Variants in USP8 observed in about 807,000 individuals in gnomAD.
USP8 encodes ubiquitin specific peptidase 8, also known as ubiquitin carboxyl-terminal hydrolase 8.
USP8 carries 27 observed loss-of-function variants against 130.0 expected under a neutral mutation model. That is an observed-to-expected ratio of 0.21 (90% confidence interval 0.15 to 0.29). The LOEUF (loss-of-function observed/expected upper bound fraction) is 0.29. Among genes scored for constraint, USP8 ranks in the 10% least tolerant of loss-of-function variants. USP8 has a pLI of 1.00. For missense variants in USP8, 1,029 were observed against 1,312.2 expected (o/e 0.78, Z 3.33); for synonymous variants, 392 against 444.1 (o/e 0.88, Z 1.48).
chr15:50,491,050 A>G (rs747945568), intron 14 of USP8, among the ~76,000 whole-genome samples: 1 of 152,092 alleles, frequency 6.6e-6, no homozygotes. Flanking sequence ...AATATTGACC[A>G]ATAGGTTAGG....
chr15:50,427,151 A>T (rs924844704), intron 1 of USP8, among the ~76,000 whole-genome samples: 2 of 151,958 alleles, frequency 1.3e-5, no homozygotes, highest in East Asian at 3.9e-4. Flanking sequence ...GTTGGCCAGG[A>T]TGATCTTGAT....
rs1189643213 is a variant in USP8 at position 50,513,670 on chromosome 15, AAAAG to A, written c.*14587_*14590del. On this transcript the variant is annotated 3_prime_UTR_variant, in exon 20 of 20. Transcript: ENST00000307179. ...TAAAAGACTTGTTTAGGCATTTCAC[AAAAG>A]AAAGTATACAAATTTAAGTAGTTAT... is the stretch of plus-strand genomic sequence containing the variant. 1 of 152,196 alleles carries A rather than the reference AAAAG, an allele frequency of 6.6e-6. No homozygotes were observed. Among genetic ancestry groups the A allele is most frequent in the Non-Finnish European group, 1.5e-5 (1 of 68,040 alleles). 9.4% of individuals were successfully genotyped at this position (152,196 alleles called of 1,614,324 possible).
intron 1 of USP8, 92 bp downstream of exon 1, chr15:50,424,606 C>G (rs2049635131): frequency 2.5e-6 from 1 of 397,650 alleles, no homozygotes; most frequent in African/African-American, 2.1e-5. Context: ...CTGCTGGTTA[C>G]CCCGGAGACA....
intron 4 of USP8, among the ~76,000 whole-genome samples, chr15:50,450,541 A>G (rs2050598620): frequency 7.5e-6 from 1 of 133,068 alleles, no homozygotes; most frequent in South Asian, 2.3e-4. Context: ...GCCTGATCTC[A>G]GCTCACTGCA....
intron 1 of USP8, among the ~76,000 whole-genome samples, chr15:50,434,538 G>A (rs939720551): frequency 6.6e-6 from 1 of 151,898 alleles, no homozygotes; most frequent in Non-Finnish European, 1.5e-5. Context: ...GTTGTTAGAA[G>A]CACGTTAATT....
intron 3 of USP8, among the ~76,000 whole-genome samples, chr15:50,444,885 G>C (rs2050374688): frequency 6.6e-6 from 1 of 152,038 alleles, no homozygotes; most frequent in African/African-American, 2.4e-5. Flanking sequence ...AGCCTCCAGA[G>C]TAGCTGGGAG....
intron 4 of USP8, among the ~76,000 whole-genome samples, chr15:50,452,815 G>A (rs1440537918): frequency 3.3e-5 from 5 of 152,262 alleles, no homozygotes; most frequent in African/African-American, 7.2e-5. Flanking sequence ...ATGGTGTCTG[G>A]CACATACCAA....
Position 50,481,640 on chromosome 15 carries a change from G to A in USP8, c.1378G>A (p.Glu460Lys). The A allele has an allele frequency of 6.2e-7, 1 of 1,613,922 alleles. No individual in the cohort carries two copies. Among genetic ancestry groups the A allele is most frequent in the Middle Eastern group, 1.6e-4 (1 of 6,062 alleles). The change falls in exon 11 of 20, where the codon GAA (glutamate) becomes AAA (lysine). Residue 460 changes from glutamate to lysine, a missense_variant. By Grantham distance (56) the Glu-to-Lys change is moderately conservative (BLOSUM62 1). Transcript: ENST00000307179. Reference protein sequence around the residue: ...VFSPTLMLTDEEKARIHAETA... With the variant: ...VFSPTLMLTDKEKARIHAETA... ...TTCTCCAACTCTCATGTTAACAGAT[G>A]AAGAAAAGGCTCGTATTCATGCAGA... is the stretch of plus-strand genomic sequence containing the variant.
At chr15:50,472,714 C>T (rs937698579) in intron 8 of USP8, among the ~76,000 whole-genome samples, 6 of 152,038 alleles carry the variant, frequency 3.9e-5, no homozygotes, top group Non-Finnish European at 8.8e-5. Flanking sequence ...AGTTCAAGAC[C>T]AGCTTGACCA....
rs1281787462 is a variant in USP8 at position 50,507,176 on chromosome 15, G to A, written c.*8088G>A. ...CACATGCCAGTAATCCCAACTACTT[G>A]GGAAGCTGAGGCAGGAGAGTTGCTT... is the stretch of plus-strand genomic sequence containing the variant. On this transcript the variant is annotated 3_prime_UTR_variant, in exon 20 of 20. Transcript: ENST00000307179. The A allele has an allele frequency of 6.6e-6, 1 of 152,062 alleles. No individual in the cohort carries two copies. Among genetic ancestry groups the A allele is most frequent in the African/African-American group, 2.4e-5 (1 of 41,258 alleles). 9.4% of individuals were successfully genotyped at this position (152,062 alleles called of 1,614,324 possible). A position where few individuals can be genotyped will look rare whatever the true frequency, so the allele number is the denominator to read the frequency against.
At position 50,477,006 on chromosome 15, in the gene USP8, A is replaced by G; in HGVS notation, c.994+13A>G. The G allele has an allele frequency of 1.3e-6, 2 of 1,593,412 alleles. No homozygotes were observed. Among genetic ancestry groups the G allele is most frequent in the Non-Finnish European group, 1.7e-6 (2 of 1,175,766 alleles). ...GTGTCTATCTCATGTATGTATGTGA[A>G]AATTTTTGTTTAAAATTGCTTTGGT... is the stretch of plus-strand genomic sequence containing the variant. On this transcript the variant is annotated intron_variant, in intron 9 of 19. Transcript: ENST00000307179.
intron 1 of USP8, chr15:50,426,990 C>T (rs1479419358): frequency 1.4e-5 from 2 of 145,902 alleles, no homozygotes; most frequent in African/African-American, 5.0e-5. Flanking sequence ...GAGTCTTGCT[C>T]TGTTGTCAGC....
At chr15:50,484,527 C>A (rs919769369) in intron 12 of USP8, among the ~76,000 whole-genome samples, 166 bp downstream of exon 12, 27 of 152,144 alleles carry the variant, frequency 1.8e-4, no homozygotes, top group African/African-American at 6.5e-4. Context: ...ATGATCAATC[C>A]ATTTATATGC....
Position 50,481,682 on chromosome 15 carries a change from GA to G in USP8, c.1427del (p.Asn476ThrfsTer19). ...RIHAETALLM[E>X]KNKQEKELRE... ...TCATGCAGAAACTGCTCTTCTAATG[GA>G]AAAAAACAAACAAGAAAAAGAACTT... On this transcript the variant is annotated frameshift_variant, in exon 11 of 20. Coordinates refer to ENST00000307179, the MANE Select transcript of USP8 (RefSeq NM_005154.5). LOFTEE classifies it high-confidence loss of function. 1 of 1,610,754 alleles carries G rather than the reference GA, an allele frequency of 6.2e-7. No individual in the cohort carries two copies. Among genetic ancestry groups the G allele is most frequent in the Admixed American group, 1.7e-5 (1 of 59,214 alleles).
At position 50,477,303 on chromosome 15, in the gene USP8, A is replaced by G. The variant is rs202174816; in HGVS notation, c.1022A>G (p.Glu341Gly). The G allele has an allele frequency of 3.0e-5, 48 of 1,613,264 alleles. No homozygotes were observed. The African/African-American group carries it at 4.9e-4, about 17-fold the overall frequency. ...SLDFTYPSLEESIPSKPAAQT... is the reference protein window; with the variant it reads ...SLDFTYPSLEGSIPSKPAAQT... ...GATTTTACTTATCCCTCATTGGAAG[A>G]ATCAATTCCTTCTAAACCTGCTGCC... The change falls in exon 10 of 20, where the codon GAA becomes GGA. Residue 341 changes from glutamate to glycine, a missense_variant. Glu to Gly is a moderately conservative substitution (Grantham distance 98, BLOSUM62 -2). Transcript: ENST00000307179.
chr15:50,450,769 C>A (rs1217043451), intron 4 of USP8, among the ~76,000 whole-genome samples: 1 of 152,092 alleles, frequency 6.6e-6, no homozygotes, highest in African/African-American at 2.4e-5. Context: ...CTGTACCCGG[C>A]CATTAGTCAT....
chr15:50,486,855 G>A (rs1444628525), intron 12 of USP8, among the ~76,000 whole-genome samples: 2 of 152,090 alleles, frequency 1.3e-5, no homozygotes, highest in East Asian at 1.9e-4. Context: ...ACTAATGGCC[G>A]GGTGCGGTGG....
At chr15:50,437,679 A>C (rs1322033495) in intron 1 of USP8, among the ~76,000 whole-genome samples, 1 of 152,260 alleles carries the variant, frequency 6.6e-6, no homozygotes, top group Non-Finnish European at 1.5e-5. Context: ...GAGGAAACCC[A>C]GGGGAACCCT....
At chr15:50,470,296 T>G (rs191971999) in intron 7 of USP8, among the ~76,000 whole-genome samples, 4 of 152,320 alleles carry the variant, frequency 2.6e-5, no homozygotes, top group Admixed American at 6.5e-5. Flanking sequence ...GTTTGTCTTA[T>G]GTTGAGTGCC....
Sources: gnomAD v4.1 joint callset for allele counts (sites outside exome capture counted in the v4.1 genomes callset) on GRCh38, gnomAD v4.1.1 for gene constraint, MANE v1.5 for transcripts, NCBI Gene and HGNC (gene_info 2026-07-23, HGNC 2026-07-21) for gene names.